TRPM4: variants seen among roughly 807,000 people sequenced by gnomAD.
The protein encoded by TRPM4 is transient receptor potential cation channel subfamily M member 4.
A neutral mutation model predicts 135.6 loss-of-function variants in TRPM4; 124 were observed. That is an observed-to-expected ratio of 0.91 (90% confidence interval 0.79 to 1.06). TRPM4 has a LOEUF of 1.06. TRPM4 is among the 50% of genes least tolerant of loss of function. TRPM4 has a pLI of 0.00. For synonymous variants in TRPM4, 745 were observed against 705.6 expected, an observed-to-expected ratio of 1.06 and a Z score of -0.88; for missense variants, 1,658 against 1,671.4, an observed-to-expected ratio of 0.99 and a Z score of 0.14.
Position 49,203,316 on chromosome 19 carries a change from A to G in TRPM4, c.3131+1175A>G, listed in dbSNP as rs187290433. Among the ~76,000 whole-genome samples, 697 of 151,870 alleles carry G rather than the reference A, an allele frequency of 4.6e-3. 4 individuals are homozygous for G. The highest frequency in any genetic ancestry group is 0.016 in the African/African-American group (664 of 41,386). ...TGCCTCAGCCTCCCAAGTAGCTAGGACTACAGGCGTGCGCCACCACACCTG... is the reference window on the plus strand; with the variant it reads ...TGCCTCAGCCTCCCAAGTAGCTAGGGCTACAGGCGTGCGCCACCACACCTG... On this transcript the variant is annotated intron_variant, in intron 20 of 24. Transcript: ENST00000252826.
At chr19:49,173,795 A>C (rs1761431216) in intron 9 of TRPM4, among the ~76,000 whole-genome samples, 1 of 152,004 alleles carries the variant, frequency 6.6e-6, no homozygotes, top group African/African-American at 2.4e-5. Context: ...GTAGCTGGGA[A>C]CATACCCGCC....
chr19:49,198,025 T>C (rs1968763922), intron 17 of TRPM4, among the ~76,000 whole-genome samples: 1 of 151,998 alleles, frequency 6.6e-6, no homozygotes, highest in African/African-American at 2.4e-5. Context: ...ACCTGACACA[T>C]CCTGAATGGT....
chr19:49,175,324 C>T (rs1967643604), intron 9 of TRPM4, among the ~76,000 whole-genome samples: 2 of 152,116 alleles, frequency 1.3e-5, no homozygotes, highest in African/African-American at 2.4e-5. Context: ...ATCCGCCCGC[C>T]TCGGCCTCCC....
Position 49,188,779 on chromosome 19 carries a change from G to A in TRPM4, c.1873+9G>A. On this transcript the variant is annotated intron_variant, in intron 13 of 24. Coordinates refer to ENST00000252826, the MANE Select transcript of TRPM4 (RefSeq NM_017636.4). ...TGAGGGGATGGGCGTTGGTGCGTGG[G>A]GCACGGTGCCTGGGAGCAGGGACGG... The A allele has an allele frequency of 1.2e-6, 2 of 1,613,902 alleles. No homozygotes were observed. Among genetic ancestry groups the A allele is most frequent in the Non-Finnish European group, 1.7e-6 (2 of 1,179,912 alleles).
chr19:49,207,003 A>G (rs1361597550), intron 20 of TRPM4, among the ~76,000 whole-genome samples: 1 of 152,118 alleles, frequency 6.6e-6, no homozygotes, highest in African/African-American at 2.4e-5. Flanking sequence ...GTGATCTTGT[A>G]CCCTGCAACT....
intron 3 of TRPM4, 66 bp downstream of exon 3, chr19:49,166,281 G>A: frequency 6.7e-7 from 1 of 1,493,486 alleles, no homozygotes; most frequent in Non-Finnish European, 9.0e-7. Flanking sequence ...CTCCAGAGTG[G>A]AGCCGGGACG....
intron 12 of TRPM4, 22 bp from the exon 13 acceptor site, chr19:49,188,619 C>T (rs776697936): frequency 6.2e-7 from 1 of 1,614,184 alleles, no homozygotes; most frequent in Non-Finnish European, 8.5e-7. Context: ...TTGACGCATC[C>T]GTGCCCTCTT....
chr19:49,210,234 A>C lies in TRPM4; in HGVS notation c.3157A>C (p.Asn1053His). Residue 1053 changes from asparagine to histidine, a missense_variant, in exon 21 of 25, where the codon AAC becomes CAC. By Grantham distance (68) the Asn-to-His change is moderately conservative (BLOSUM62 1). This residue lies in a region of TRPM4 where 1,412 missense variants were observed against 1,408.7 expected (regional missense o/e 1.00). Coordinates refer to ENST00000252826, the MANE Select transcript of TRPM4 (RefSeq NM_017636.4). This position sits in a 1 kb window ranked among gnomAD's most constrained non-coding sequence, Gnocchi z 4.1. ...FSYTFGKVQG[N>H]SDLYWKAQRY... Reference sequence around the variant, plus strand: ...TTACACATTCGGCAAAGTACAGGGCAACAGCGATCTCTACTGGAAGGCGCA... The same window carrying C: ...TTACACATTCGGCAAAGTACAGGGCCACAGCGATCTCTACTGGAAGGCGCA... 1.9e-6 allele frequency: 3 copies of C among 1,614,224 alleles called. No homozygotes were observed. Among genetic ancestry groups the C allele is most frequent in the Non-Finnish European group, 1.7e-6 (2 of 1,180,034 alleles).
intron 14 of TRPM4, among the ~76,000 whole-genome samples, chr19:49,189,927 G>A (rs147666637): frequency 7.9e-5 from 12 of 152,216 alleles, no homozygotes; most frequent in Non-Finnish European, 1.8e-4. Flanking sequence ...GGAGATACTA[G>A]TACCCACCCC....
intron 17 of TRPM4, among the ~76,000 whole-genome samples, chr19:49,199,154 C>G (rs1968814866): frequency 6.6e-6 from 1 of 152,028 alleles, no homozygotes; most frequent in African/African-American, 2.4e-5. Flanking sequence ...CATGACCTCT[C>G]CTTGTTATAA....
intron 9 of TRPM4, among the ~76,000 whole-genome samples, chr19:49,176,364 G>A (rs1038289345): frequency 3.3e-5 from 5 of 152,084 alleles, no homozygotes; most frequent in Admixed American, 6.6e-5. Flanking sequence ...GTAGCTGTGC[G>A]CCACCACACC....
chr19:49,168,297 C>T lies in TRPM4; in HGVS notation c.486C>T (p.Ile162=), dbSNP rs140412103. The change falls in exon 5 of 25, where the codon ATC becomes ATT. Residue 162 remains isoleucine, a synonymous_variant. Coordinates refer to ENST00000252826, the MANE Select transcript of TRPM4 (RefSeq NM_017636.4). ...WIVTGGLHTG[I]GRHVGVAVRD... ...TCACTGGGGGTCTGCACACGGGCATCGGCCGGCATGTTGGTGTGGCTGTAC... is the reference window on the plus strand; with the variant it reads ...TCACTGGGGGTCTGCACACGGGCATTGGCCGGCATGTTGGTGTGGCTGTAC... 29 of 1,614,052 alleles carry T rather than the reference C, an allele frequency of 1.8e-5. No individual in the cohort carries two copies. Among genetic ancestry groups the T allele is most frequent in the African/African-American group, 4.0e-5 (3 of 74,934 alleles).
intron 2 of TRPM4, among the ~76,000 whole-genome samples, chr19:49,164,293 C>CCCTT (rs35554637): frequency 1.0e-5 from 1 of 99,342 alleles, no homozygotes; most frequent in African/African-American, 4.0e-5. Flanking sequence ...CTCCCTCCCT[C>CCCTT]CCTTCCTTCC....
intron 17 of TRPM4, among the ~76,000 whole-genome samples, chr19:49,197,765 C>T (rs1328656092): frequency 6.6e-6 from 1 of 151,874 alleles, no homozygotes; most frequent in Non-Finnish European, 1.5e-5. Flanking sequence ...TCACTGCAAC[C>T]TCCACCTCCT....
intron 12 of TRPM4, among the ~76,000 whole-genome samples, chr19:49,187,198 T>G (rs1175854286): frequency 6.6e-5 from 10 of 151,754 alleles, no homozygotes; most frequent in South Asian, 2.1e-4. Context: ...TTTTCTTGTT[T>G]TTTTTTTTTT....
Position 49,188,732 on chromosome 19 carries a change from GGAAA to G in TRPM4, c.1838_1841del (p.Lys613ThrfsTer23). ...CCTGACGCTGAGGAGGCAGCACGGA[GGAAA>G]GACCTGGCGTTCAAGTTTGAGGGGA... is the stretch of plus-strand genomic sequence containing the variant. On this transcript the variant is annotated frameshift_variant, in exon 13 of 25. Coordinates refer to ENST00000252826, the MANE Select transcript of TRPM4 (RefSeq NM_017636.4). LOFTEE classifies it high-confidence loss of function. 1 of 1,614,254 alleles carries G rather than the reference GGAAA, an allele frequency of 6.2e-7. No individual in the cohort carries two copies. Among genetic ancestry groups the G allele is most frequent in the Non-Finnish European group, 8.5e-7 (1 of 1,180,048 alleles).
At chr19:49,192,433 A>G (rs1355485835) in intron 16 of TRPM4, among the ~76,000 whole-genome samples, 2 of 152,194 alleles carry the variant, frequency 1.3e-5, no homozygotes, top group African/African-American at 2.4e-5. Flanking sequence ...ATGAGCCACC[A>G]TGCCTGGCCT....
chr19:49,172,902 A>G (rs534566455), intron 9 of TRPM4, among the ~76,000 whole-genome samples: 19 of 122,074 alleles, frequency 1.6e-4, no homozygotes, highest in African/African-American at 6.3e-4. Context: ...CCATCCGCTC[A>G]TTCCTCCATC....
In TRPM4 at chr19:49,211,140, T is replaced by C. The variant is rs1324762521; in HGVS notation, c.3535-24T>C. The stretch of plus-strand genomic sequence containing the variant: ...CTGTGGCAGGGGTCCCATCTCCCGC[T>C]CTGACATTCCTCCCATTCCGCAGGT... On this transcript the variant is annotated intron_variant, in intron 23 of 24. Transcript: ENST00000252826. The surrounding 1 kb of genome is among the most constrained non-coding windows in gnomAD (Gnocchi z 4.8). 9.3e-6 allele frequency: 15 copies of C among 1,609,640 alleles called. No individual in the cohort carries two copies. The highest frequency in any genetic ancestry group is 1.3e-5 in the Non-Finnish European group (15 of 1,178,320).
Sources: allele counts gnomAD v4.1 joint callset (sites outside exome capture counted in the v4.1 genomes callset), GRCh38; gene constraint gnomAD v4.1.1; regional missense constraint gnomAD v4.1.1; non-coding constraint Gnocchi (gnomAD v3.1); transcripts MANE v1.5; gene names NCBI Gene and HGNC (gene_info 2026-07-23, HGNC 2026-07-21).